Variants in FANCD2 observed in about 807,000 individuals in gnomAD.
The protein encoded by FANCD2 is Fanconi anemia group D2 protein.
A neutral mutation model predicts 192.3 loss-of-function variants in FANCD2; 131 were observed. The ratio of observed to expected loss-of-function variants is 0.68; its 90% CI spans 0.59 to 0.79. FANCD2 has a LOEUF of 0.79. Among genes scored for constraint, FANCD2 ranks in the 30% least tolerant of loss-of-function variants. The pLI, the probability that FANCD2 is intolerant of heterozygous loss-of-function variation, is 0.00. For missense variants in FANCD2, 1,508 were observed against 1,701.6 expected, an observed-to-expected ratio of 0.89 and a Z score of 2.00; for synonymous variants, 524 against 612.5, an observed-to-expected ratio of 0.86 and a Z score of 2.13.
intron 32 of FANCD2, among the ~76,000 whole-genome samples, chr3:10,083,150 CTG>C (rs1253644624): frequency 1.3e-5 from 2 of 151,914 alleles, no homozygotes; most frequent in African/African-American, 4.8e-5. Flanking sequence ...TGGCTTGAGC[CTG>C]TGAGGCAGAG....
chr3:10,072,829 G>A (rs775558611), intron 26 of FANCD2, 42 bp from the exon 27 acceptor site: 2 of 1,054,582 alleles, frequency 1.9e-6, no homozygotes, highest in East Asian at 4.7e-5. Flanking sequence ...ATGGTGGTGT[G>A]TAATTGGTAC....
intron 43 of FANCD2, chr3:10,099,213 G>A (rs34092072): frequency 1.5e-6 from 2 of 1,363,592 alleles, no homozygotes; most frequent in Non-Finnish European, 1.9e-6. Context: ...AAAGCATTTG[G>A]TGAAAGCCAA....
chr3:10,034,261 G>T (rs2086674089), intron 3 of FANCD2, among the ~76,000 whole-genome samples: 1 of 143,194 alleles, frequency 7.0e-6, no homozygotes, highest in South Asian at 2.2e-4. Flanking sequence ...GGAGGCGGAA[G>T]TTCCTGTGAG....
chr3:10,027,516 T>G (rs1273999617), intron 1 of FANCD2, among the ~76,000 whole-genome samples: 1 of 152,186 alleles, frequency 6.6e-6, no homozygotes, highest in Non-Finnish European at 1.5e-5. Flanking sequence ...CCACATCTCC[T>G]TGTTTCAGTA....
intron 7 of FANCD2, among the ~76,000 whole-genome samples, chr3:10,038,621 C>T (rs1345348137): frequency 6.8e-6 from 1 of 147,046 alleles, no homozygotes; most frequent in African/African-American, 2.6e-5. Context: ...GGCTCTGTCA[C>T]CCAGGCTGGA....
chr3:10,086,512 G>A (rs905873548), intron 33 of FANCD2, among the ~76,000 whole-genome samples: 13 of 151,390 alleles, frequency 8.6e-5, no homozygotes, highest in Admixed American at 1.3e-4. Flanking sequence ...TTTTCTTTGA[G>A]AGAGAGTCTC....
chr3:10,052,400 A>G lies in FANCD2; in HGVS notation c.1559A>G (p.Tyr520Cys). ...NAVFVKGILDYLDNISPQQIR... is the reference protein window; with the variant it reads ...NAVFVKGILDCLDNISPQQIR... ...TTTTTTCCACAGGGCATTTTAGATTATCTGGATAACATATCCCCTCAGCAA... is the reference window on the plus strand; with the variant it reads ...TTTTTTCCACAGGGCATTTTAGATTGTCTGGATAACATATCCCCTCAGCAA... Residue 520 changes from tyrosine to cysteine, a missense_variant, in exon 18 of 44, where the codon TAT becomes TGT. Coordinates refer to ENST00000675286, the MANE Select transcript of FANCD2 (RefSeq NM_001018115.3). 1.2e-6 allele frequency: 2 copies of G among 1,609,066 alleles called. No homozygotes were observed. Among genetic ancestry groups the G allele is most frequent in the South Asian group, 2.2e-5 (2 of 91,004 alleles).
At chr3:10,093,158 A>G (rs1694752848) in intron 38 of FANCD2, 127 bp from the exon 39 acceptor site, 4 of 725,438 alleles carry the variant, frequency 5.5e-6, no homozygotes, top group East Asian at 2.6e-5. Context: ...ATTAATTTAA[A>G]TGTTGACATT....
At chr3:10,064,982 A>T in intron 23 of FANCD2, 107 bp downstream of exon 23, 16 of 1,241,466 alleles carry the variant, frequency 1.3e-5, no homozygotes, top group Non-Finnish European at 1.9e-5. Flanking sequence ...TCTCGAGACA[A>T]ATGGTATTTG....
rs1410992986 is a variant in FANCD2 at position 10,063,806 on chromosome 3, G to A, written c.1842G>A (p.Leu614=). The A allele has an allele frequency of 6.2e-7, 1 of 1,614,096 alleles. No individual in the cohort carries two copies. The highest frequency in any genetic ancestry group is 1.7e-5 in the Admixed American group (1 of 60,010). ...CTTTGCTCCAGGTGACCTCCTTGTT[G>A]CAGTTGGTTCATTCCTGCAGTGAGC... ...DEQCTQVTSL[L]QLVHSCSEQS... is the part of the protein sequence containing the mutation. The change falls in exon 21 of 44, where the codon TTG becomes TTA. Residue 614 remains leucine, a synonymous_variant. Transcript: ENST00000675286.
intron 26 of FANCD2, among the ~76,000 whole-genome samples, chr3:10,071,313 C>T (rs944785677): frequency 6.6e-6 from 1 of 151,880 alleles, no homozygotes. Context: ...ATAGAATCAC[C>T]ATATGATCCA....
chr3:10,034,815 T>C lies in FANCD2; in HGVS notation c.377+17T>C, dbSNP rs45593431. The C allele has an allele frequency of 2.8e-5, 43 of 1,527,630 alleles. No homozygotes were observed. The Middle Eastern group carries it at 7.2e-4, about 26-fold the overall frequency. 94.6% of individuals were successfully genotyped at this position (1,527,630 alleles called of 1,614,324 possible). On this transcript the variant is annotated intron_variant, in intron 5 of 43. Transcript: ENST00000675286. ...GGAAGCCAGGTGTGGAGAGGAGGCATGGAATCTTGCTGAAATTCAGTCTGT... is the reference window on the plus strand; with the variant it reads ...GGAAGCCAGGTGTGGAGAGGAGGCACGGAATCTTGCTGAAATTCAGTCTGT...
chr3:10,093,293 T>C lies in FANCD2; in HGVS notation c.3858T>C (p.Asp1286=). 1.2e-6 allele frequency: 2 copies of C among 1,613,618 alleles called. No homozygotes were observed. Among genetic ancestry groups the C allele is most frequent in the South Asian group, 2.2e-5 (2 of 91,074 alleles). The stretch of plus-strand genomic sequence containing the variant: ...GTCTTTCACCTCTCCAGGTATTTGA[T>C]AGTCATCCTGTTCTGCATGTATGTT... ...SILINLIKVF[D]SHPVLHVCLK... is the part of the protein sequence containing the mutation. Residue 1286 remains aspartate (D), a synonymous_variant, in exon 39 of 44, where the codon GAT becomes GAC. Coordinates refer to ENST00000675286, the MANE Select transcript of FANCD2 (RefSeq NM_001018115.3).
rs140487797 is a variant in FANCD2, at chr3:10,060,075, G to A, written c.1657-219G>A. ...CCAGTTACCCAGGAGGCTGAGGCAG[G>A]AGAATCGTTTGAACCTGGGAGGCAG... On this transcript the variant is annotated intron_variant, in intron 18 of 43. Coordinates refer to ENST00000675286, the MANE Select transcript of FANCD2 (RefSeq NM_001018115.3). Among the ~76,000 whole-genome samples, 1,263 of 151,506 alleles carry A rather than the reference G, an allele frequency of 8.3e-3. 20 individuals are homozygous for A. Among genetic ancestry groups the A allele is most frequent in the African/African-American group, 0.029 (1,185 of 41,190 alleles).
intron 25 of FANCD2, among the ~76,000 whole-genome samples, chr3:10,066,928 T>C (rs2087736294): frequency 6.6e-6 from 1 of 152,162 alleles, no homozygotes; most frequent in Admixed American, 6.5e-5. Context: ...TTTCACCATG[T>C]TGGCCAGACT....
intron 9 of FANCD2, 115 bp downstream of exon 9, chr3:10,039,960 C>T: frequency 8.3e-7 from 1 of 1,199,956 alleles, no homozygotes; most frequent in East Asian, 2.4e-5. Flanking sequence ...AGGATGATAC[C>T]CCCCTTCATG....
chr3:10,050,438 C>T (rs1298948499), intron 17 of FANCD2, among the ~76,000 whole-genome samples: 1 of 150,898 alleles, frequency 6.6e-6, no homozygotes, highest in South Asian at 2.1e-4. Context: ...TCCTGCCTAA[C>T]ACGGTGAAAC....
At chr3:10,080,807 A>G (rs1227081264) in intron 30 of FANCD2, among the ~76,000 whole-genome samples, 2 of 152,264 alleles carry the variant, frequency 1.3e-5, no homozygotes, top group East Asian at 1.9e-4. Flanking sequence ...ATTGCCCTAC[A>G]TTTGTCAACC....
chr3:10,026,812 C>T (rs2086464068), intron 1 of FANCD2, among the ~76,000 whole-genome samples: 1 of 152,164 alleles, frequency 6.6e-6, no homozygotes, highest in South Asian at 2.1e-4. Context: ...CTTAGTTTTT[C>T]CATCTGCAAG....
Sources: gnomAD v4.1 joint callset for allele counts (sites outside exome capture counted in the v4.1 genomes callset) on GRCh38, gnomAD v4.1.1 for gene constraint, MANE v1.5 for transcripts, NCBI Gene and HGNC (gene_info 2026-07-23, HGNC 2026-07-21) for gene names.